Variants in NR2E1 observed in about 807,000 individuals in gnomAD.
NR2E1 encodes nuclear receptor TLX.
In NR2E1, 5 loss-of-function variants were observed where a neutral mutation model predicts 43.6. The observed-to-expected ratio is 0.11, with a 90% CI of 0.06 to 0.24. The LOEUF (loss-of-function observed/expected upper bound fraction) is 0.24. NR2E1 is among the 10% of genes least tolerant of loss of function. NR2E1 has a pLI of 1.00. For synonymous variants in NR2E1, 191 were observed against 195.5 expected (o/e 0.98, Z 0.19); for missense variants, 287 against 496.7 (o/e 0.58, Z 4.01).
chr6:108,185,829 G>T (rs915934346), intron 8 of NR2E1, among the ~76,000 whole-genome samples: 2 of 152,174 alleles, frequency 1.3e-5, no homozygotes, highest in African/African-American at 4.8e-5. Flanking sequence ...TAATCTAATC[G>T]CAGAAAATCA....
chr6:108,168,101 A>T, intron 1 of NR2E1: 1 of 1,604,582 alleles, frequency 6.2e-7, no homozygotes, highest in Non-Finnish European at 8.5e-7. Flanking sequence ...ACCCTGGCCC[A>T]GGACTGGGTT....
intron 1 of NR2E1, chr6:108,168,278 T>A: frequency 8.9e-7 from 1 of 1,129,074 alleles, no homozygotes; most frequent in South Asian, 1.7e-5. Context: ...CTGAAGCCCG[T>A]GGGTCTCGGC....
chr6:108,174,502 C>A (rs1773862934), intron 2 of NR2E1, among the ~76,000 whole-genome samples: 2 of 152,044 alleles, frequency 1.3e-5, no homozygotes, highest in Admixed American at 6.5e-5. Flanking sequence ...CCGCGACTGG[C>A]GGAAGTTCCC....
rs994336889 is a variant in NR2E1, at chr6:108,188,693, G to A, written c.*1230G>A. ...CTGAGGAAAAAAAATTCAGCACTTG[G>A]ACTATCATAGGATGAGTAAAACTTT... On this transcript the variant is annotated 3_prime_UTR_variant, in exon 9 of 9. Coordinates refer to ENST00000368986, the MANE Select transcript of NR2E1 (RefSeq NM_003269.5). 6.6e-6 allele frequency: 1 copy of A among 152,156 alleles called. No individual in the cohort carries two copies. Among genetic ancestry groups the A allele is most frequent in the Non-Finnish European group, 1.5e-5 (1 of 68,046 alleles). 9.4% of individuals were successfully genotyped at this position (152,156 alleles called of 1,614,324 possible). A position where few individuals can be genotyped will look rare whatever the true frequency, so the allele number is the denominator to read the frequency against.
intron 8 of NR2E1, 130 bp from the exon 9 acceptor site, chr6:108,187,171 C>G: frequency 9.1e-7 from 1 of 1,103,814 alleles, no homozygotes; most frequent in Non-Finnish European, 1.4e-6. Flanking sequence ...CAGAACTTTG[C>G]TGCAGGGATA....
chr6:108,187,149 A>G, intron 8 of NR2E1, 152 bp from the exon 9 acceptor site: 1 of 907,380 alleles, frequency 1.1e-6, no homozygotes, highest in Non-Finnish European at 1.8e-6. Context: ...AACGGGGACA[A>G]CAGTGCCTGT....
chr6:108,167,545 T>C (rs921479725), intron 1 of NR2E1, among the ~76,000 whole-genome samples: 2 of 152,026 alleles, frequency 1.3e-5, no homozygotes, highest in African/African-American at 4.8e-5. Flanking sequence ...TAAGTGTGTG[T>C]GCGAGGGCAT....
intron 8 of NR2E1, among the ~76,000 whole-genome samples, chr6:108,182,835 G>C (rs998136047): frequency 2.0e-5 from 3 of 151,774 alleles, no homozygotes; most frequent in African/African-American, 7.3e-5. Flanking sequence ...GGGATTACAG[G>C]TGTGAGCCAC....
At chr6:108,181,031 T>C in intron 7 of NR2E1, 75 bp downstream of exon 7, 1 of 1,486,254 alleles carries the variant, frequency 6.7e-7, no homozygotes, top group South Asian at 1.1e-5. Context: ...CCTCGAAGTC[T>C]GAACTGACCT....
At chr6:108,167,716 C>A (rs1174643395) in intron 1 of NR2E1, among the ~76,000 whole-genome samples, 1 of 152,118 alleles carries the variant, frequency 6.6e-6, no homozygotes, top group African/African-American at 2.4e-5. Context: ...ACTACCGTTG[C>A]CGCCGCAGTC....
chr6:108,166,567 G>A lies in NR2E1; in HGVS notation c.-199G>A, dbSNP rs920526221. 3.9e-6 allele frequency: 2 copies of A among 518,786 alleles called. No homozygotes were observed. Among genetic ancestry groups the A allele is most frequent in the African/African-American group, 4.1e-5 (2 of 48,538 alleles). The allele number at this position is 518,786 out of a possible 1,614,324, so 32.1% of individuals were successfully genotyped here. A position where few individuals can be genotyped will look rare whatever the true frequency, so the allele number is the denominator to read the frequency against. On this transcript the variant is annotated 5_prime_UTR_variant, in exon 1 of 9. Transcript: ENST00000368986. This position sits in a 1 kb window ranked among gnomAD's most constrained non-coding sequence, Gnocchi z 7.2. The stretch of plus-strand genomic sequence containing the variant: ...TGCAAGAGCCGGGAAGAAACTTAAG[G>A]ATGCTTAAATTTCCACTGTTGGACG...
At chr6:108,167,114 T>G (rs1265979934) in intron 1 of NR2E1, among the ~76,000 whole-genome samples, 2 of 151,986 alleles carry the variant, frequency 1.3e-5, no homozygotes, top group Non-Finnish European at 1.5e-5. Flanking sequence ...GGGCGGGAAC[T>G]GGGCCGCAGC....
At chr6:108,179,802 C>T (rs912760862) in intron 5 of NR2E1, among the ~76,000 whole-genome samples, 2 of 152,060 alleles carry the variant, frequency 1.3e-5, no homozygotes, top group African/African-American at 2.4e-5. Context: ...GAGGAAAACT[C>T]AGCAAAACCC....
chr6:108,175,671 G>A (rs1002078219), intron 3 of NR2E1, among the ~76,000 whole-genome samples: 1 of 152,212 alleles, frequency 6.6e-6, no homozygotes, highest in East Asian at 1.9e-4. Context: ...AGGGGGCGAG[G>A]GTAATGGGCT....
intron 2 of NR2E1, among the ~76,000 whole-genome samples, chr6:108,173,663 G>A (rs937747058): frequency 2.0e-5 from 3 of 152,118 alleles, no homozygotes; most frequent in African/African-American, 7.2e-5. Flanking sequence ...AGATTATGAA[G>A]CAAAATAAAA....
Position 108,187,291 on chromosome 6 carries a change from C to T in NR2E1, c.996-10C>T. The T allele has an allele frequency of 6.2e-7, 1 of 1,614,234 alleles. No homozygotes were observed. Among genetic ancestry groups the T allele is most frequent in the Non-Finnish European group, 8.5e-7 (1 of 1,180,030 alleles). On this transcript the variant is annotated splice_polypyrimidine_tract_variant and intron_variant, in intron 8 of 8. Transcript: ENST00000368986. ...CTCTGACCTTGTTTTCATGGCTTCT[C>T]ACATTCCAGATATCCCACTCAACCC...
rs1773970018 is a variant in NR2E1, at chr6:108,180,712, G to A, written c.740-95G>A. On this transcript the variant is annotated intron_variant, in intron 6 of 8. Coordinates refer to ENST00000368986, the MANE Select transcript of NR2E1 (RefSeq NM_003269.5). The surrounding 1 kb of genome is among the most constrained non-coding windows in gnomAD (Gnocchi z 5.4). ...AATCAGATATCTTAGAGTGACAATTGAATAGATATTGATATGCAGGATTTT... is the reference window on the plus strand; with the variant it reads ...AATCAGATATCTTAGAGTGACAATTAAATAGATATTGATATGCAGGATTTT... 8.7e-7 allele frequency: 1 copy of A among 1,150,726 alleles called. No homozygotes were observed. Among genetic ancestry groups the A allele is most frequent in the South Asian group, 1.3e-5 (1 of 78,880 alleles). The allele number at this position is 1,150,726 out of a possible 1,614,324, so 71.3% of individuals were successfully genotyped here.
chr6:108,186,608 G>A (rs764797418), intron 8 of NR2E1, among the ~76,000 whole-genome samples: 6 of 152,230 alleles, frequency 3.9e-5, no homozygotes, highest in Non-Finnish European at 7.3e-5. Flanking sequence ...GCAGTGAGGA[G>A]GTGGCTTGCA....
chr6:108,184,314 C>T (rs990705249), intron 8 of NR2E1, among the ~76,000 whole-genome samples: 3 of 152,266 alleles, frequency 2.0e-5, no homozygotes, highest in South Asian at 4.1e-4. Flanking sequence ...ATGAGAAGGA[C>T]GTGGTATCCA....
Sources: allele counts gnomAD v4.1 joint callset (sites outside exome capture counted in the v4.1 genomes callset), GRCh38; gene constraint gnomAD v4.1.1; non-coding constraint Gnocchi (gnomAD v3.1); transcripts MANE v1.5; gene names NCBI Gene and HGNC (gene_info 2026-07-23, HGNC 2026-07-21).